DGKB: variants seen among roughly 807,000 people sequenced by gnomAD.
The protein encoded by DGKB is 90 kDa diacylglycerol kinase.
In DGKB, 67 loss-of-function variants were observed where a neutral mutation model predicts 114.3. That is an observed-to-expected ratio of 0.59 (90% CI 0.48 to 0.72). DGKB has a LOEUF of 0.72. Ranked by LOEUF, DGKB falls within the 30% of genes least tolerant of loss-of-function variation. The probability of loss-of-function intolerance (pLI) is 0.00; values close to 1 mark genes in which losing one functional copy is unlikely to be tolerated. For missense variants in DGKB, 907 were observed against 975.2 expected, an observed-to-expected ratio of 0.93 and a Z score of 0.93; for synonymous variants, 398 against 323.1, an observed-to-expected ratio of 1.23 and a Z score of -2.49.
chr7:14,644,247 G>GA (rs1211331854), intron 13 of DGKB, among the ~76,000 whole-genome samples: 2 of 152,074 alleles, frequency 1.3e-5, no homozygotes, highest in African/African-American at 4.8e-5. Flanking sequence ...AGCTACTTCA[G>GA]AAAATTCAAA....
At chr7:14,933,942 A>C (rs1166486212) in intron 1 of DGKB, among the ~76,000 whole-genome samples, 1 of 152,154 alleles carries the variant, frequency 6.6e-6, no homozygotes, top group African/African-American at 2.4e-5. Context: ...GCTCCTGACT[A>C]TATATCCCAA....
intron 20 of DGKB, among the ~76,000 whole-genome samples, chr7:14,564,026 C>T (rs1228218094): frequency 6.6e-6 from 1 of 152,144 alleles, no homozygotes; most frequent in Non-Finnish European, 1.5e-5. Flanking sequence ...AAGACAAATG[C>T]TAGCTCTTTG....
At chr7:14,811,807 C>A (rs1843476663) in intron 2 of DGKB, among the ~76,000 whole-genome samples, 1 of 94,424 alleles carries the variant, frequency 1.1e-5, no homozygotes, top group African/African-American at 5.9e-5. Context: ...TATATACACA[C>A]ACACACAACC....
intron 17 of DGKB, among the ~76,000 whole-genome samples, chr7:14,596,482 T>A (rs1802599851): frequency 6.6e-6 from 1 of 152,192 alleles, no homozygotes; most frequent in Non-Finnish European, 1.5e-5. Flanking sequence ...AAAGTCACAC[T>A]GAGCAATGGG....
chr7:14,939,623 T>C (rs1785457057), intron 1 of DGKB, among the ~76,000 whole-genome samples: 1 of 108,238 alleles, frequency 9.2e-6, no homozygotes, highest in African/African-American at 3.9e-5. Context: ...ATATAATACT[T>C]TTTTTTTTTT....
chr7:14,919,064 A>ACG (rs1784380924), intron 1 of DGKB, among the ~76,000 whole-genome samples: 25 of 93,754 alleles, frequency 2.7e-4, no homozygotes, highest in Admixed American at 2.5e-3. Context: ...CACCACACGC[A>ACG]CACACACACA....
chr7:14,159,503 G>A lies in DGKB; in HGVS notation c.2305-10265C>T, dbSNP rs1457546203. On this transcript the variant is annotated intron_variant, in intron 25 of 25. Coordinates refer to ENST00000402815, the MANE Select transcript of DGKB (RefSeq NM_001350709.2). ...TCATTATTGAAATTTTATATTTGTG[G>A]GACTATTTGAGTTATGTGTACCTGC... Among the ~76,000 whole-genome samples the A allele has an allele frequency of 2.6e-4, 40 of 151,944 alleles. 1 individual carries two copies. Among genetic ancestry groups the A allele is most frequent in the Admixed American group, 2.4e-3 (37 of 15,250 alleles).
intron 5 of DGKB, among the ~76,000 whole-genome samples, chr7:14,730,041 G>T (rs1830687508): frequency 6.6e-6 from 1 of 152,166 alleles, no homozygotes; most frequent in Non-Finnish European, 1.5e-5. Context: ...CCTGCAACAA[G>T]TACCAGACAT....
chr7:14,641,362 A>G (rs1811765751), intron 13 of DGKB, among the ~76,000 whole-genome samples: 1 of 151,844 alleles, frequency 6.6e-6, no homozygotes, highest in South Asian at 2.1e-4. Flanking sequence ...TACAATACAA[A>G]GATTTGTTGT....
At chr7:14,622,263 T>G (rs1807803381) in intron 14 of DGKB, among the ~76,000 whole-genome samples, 1 of 152,038 alleles carries the variant, frequency 6.6e-6, no homozygotes, top group African/African-American at 2.4e-5. Context: ...TTCTCTGAGC[T>G]CTCTTCTTCC....
intron 6 of DGKB, among the ~76,000 whole-genome samples, chr7:14,713,643 T>A (rs1275292315): frequency 6.6e-6 from 1 of 151,564 alleles, no homozygotes; most frequent in East Asian, 1.9e-4. Context: ...TCTTTTTTTT[T>A]TTTTCATTGT....
At chr7:14,817,962 T>C (rs1022714251) in intron 2 of DGKB, among the ~76,000 whole-genome samples, 2 of 151,462 alleles carry the variant, frequency 1.3e-5, no homozygotes, top group African/African-American at 4.9e-5. Context: ...AGGCGTTTCA[T>C]GTATCTGCCA....
At chr7:14,238,764 A>C (rs1793207709) in intron 23 of DGKB, among the ~76,000 whole-genome samples, 1 of 152,122 alleles carries the variant, frequency 6.6e-6, no homozygotes, top group East Asian at 1.9e-4. Flanking sequence ...ATGGTTACAA[A>C]TGGTGGAATT....
Position 14,497,041 on chromosome 7 carries a change from T to G in DGKB, c.1771-18816A>C, listed in dbSNP as rs183583705. 1.6e-3 allele frequency among the ~76,000 whole-genome samples: 245 copies of G among 151,868 alleles called. No homozygotes were observed. In the Middle Eastern group the frequency reaches 0.017, roughly 11 times the overall value. On this transcript the variant is annotated intron_variant, in intron 20 of 25. Coordinates refer to ENST00000402815, the MANE Select transcript of DGKB (RefSeq NM_001350709.2). ...ATGAAATAATGTCTTTTGCAGCAAC[T>G]TGGATGGAACTGCAGGCCACTATTC...
intron 23 of DGKB, among the ~76,000 whole-genome samples, chr7:14,287,166 C>T (rs1320635354): frequency 2.0e-5 from 3 of 152,014 alleles, no homozygotes; most frequent in Non-Finnish European, 4.4e-5. Context: ...ATTAATCAGA[C>T]CCTAAAGACT....
At chr7:14,891,269 T>C (rs1049879614) in intron 1 of DGKB, among the ~76,000 whole-genome samples, 10 of 151,430 alleles carry the variant, frequency 6.6e-5, no homozygotes, top group African/African-American at 2.4e-4. Context: ...TTTAATAACG[T>C]AGACAAAACG....
At chr7:14,210,281 C>A (rs1038219835) in intron 23 of DGKB, among the ~76,000 whole-genome samples, 1 of 151,998 alleles carries the variant, frequency 6.6e-6, no homozygotes, top group Admixed American at 6.6e-5. Flanking sequence ...TTACTGGGGG[C>A]AAATGCCTGA....
intron 20 of DGKB, among the ~76,000 whole-genome samples, chr7:14,538,085 CAAA>C (rs58405374): frequency 0.11 from 5,068 of 44,218 alleles, 113 homozygotes; most frequent in East Asian, 0.41. Context: ...ATCTCTGTCT[CAAA>C]AAAAAAAAAA....
At chr7:14,652,173 A>G (rs1757143305) in intron 13 of DGKB, among the ~76,000 whole-genome samples, 2 of 145,048 alleles carry the variant, frequency 1.4e-5, no homozygotes, top group Admixed American at 1.4e-4. Context: ...TGGAACCAAA[A>G]AAGAGCCCAC....
Sources: allele counts gnomAD v4.1 joint callset (sites outside exome capture counted in the v4.1 genomes callset), GRCh38; gene constraint gnomAD v4.1.1; transcripts MANE v1.5; gene names NCBI Gene and HGNC (gene_info 2026-07-23, HGNC 2026-07-21).